TAS2R1: variants seen among roughly 807,000 people sequenced by gnomAD.
TAS2R1 encodes taste 2 receptor member 1, also known as taste receptor type 2 member 1.
For missense variants in TAS2R1, 370 were observed against 353.4 expected (o/e 1.05, Z -0.38); for synonymous variants, 141 against 134.2 (o/e 1.05, Z -0.35).
chr5:9,860,366 T>C, the TAS2R1 span, among the ~76,000 whole-genome samples: 1 of 152,122 alleles, frequency 6.6e-6, no homozygotes, highest in African/African-American at 2.4e-5. Flanking sequence ...CATTCTCCAT[T>C]TACCTTCCCT....
At chr5:9,879,166 C>T in the TAS2R1 span, among the ~76,000 whole-genome samples, 2 of 152,236 alleles carry the variant, frequency 1.3e-5, no homozygotes, top group Non-Finnish European at 2.9e-5. Flanking sequence ...ATGCAATGTT[C>T]TTTAAAAATC....
chr5:9,692,181 C>T (rs985718645), intron 1 of TAS2R1, among the ~76,000 whole-genome samples: 5 of 152,158 alleles, frequency 3.3e-5, no homozygotes, highest in African/African-American at 9.7e-5. Flanking sequence ...CTGCACTCTA[C>T]GTGCTTGTCA....
At position 9,704,644 on chromosome 5, in the gene TAS2R1, G is replaced by A. The variant is rs1402531894; in HGVS notation, c.-242+7528C>T. Among the ~76,000 whole-genome samples the A allele has an allele frequency of 2.0e-5, 3 of 152,166 alleles. No individual in the cohort carries two copies. The South Asian group carries it at 6.2e-4, about 32-fold the overall frequency. On this transcript the variant is annotated intron_variant, in intron 1 of 2. Coordinates refer to the TAS2R1 transcript ENST00000506620. ...AAAATTAGTTCACACACAAAAAAGT[G>A]GTAGACAAGTGGCCAACTAATATAC...
chr5:9,844,434 A>G, the TAS2R1 span, among the ~76,000 whole-genome samples: 3 of 152,130 alleles, frequency 2.0e-5, no homozygotes, highest in Non-Finnish European at 4.4e-5. Flanking sequence ...GGCCTTCTAC[A>G]TTAATTCTTA....
the TAS2R1 span, among the ~76,000 whole-genome samples, chr5:9,829,849 G>C: frequency 6.6e-6 from 1 of 152,006 alleles, no homozygotes; most frequent in Non-Finnish European, 1.5e-5. Flanking sequence ...GCGAAAAAAA[G>C]CTTCAGAAGA....
At chr5:9,850,806 C>A in the TAS2R1 span, among the ~76,000 whole-genome samples, 3 of 152,218 alleles carry the variant, frequency 2.0e-5, no homozygotes, top group Non-Finnish European at 4.4e-5. Flanking sequence ...ATGGTATCAA[C>A]CCCGTCCAAA....
At chr5:9,721,358 C>T in the TAS2R1 span, among the ~76,000 whole-genome samples, 5 of 152,170 alleles carry the variant, frequency 3.3e-5, no homozygotes, top group Non-Finnish European at 7.4e-5. Context: ...GGTGGGTGTT[C>T]CCCGGTGCTG....
the TAS2R1 span, among the ~76,000 whole-genome samples, chr5:9,840,852 TA>T: frequency 1.4e-4 from 2 of 14,228 alleles, no homozygotes; most frequent in African/African-American, 2.2e-4. Flanking sequence ...TTTATTTATT[TA>T]TTTATTTTTT....
At chr5:9,718,498 C>T in the TAS2R1 span, among the ~76,000 whole-genome samples, 1 of 151,892 alleles carries the variant, frequency 6.6e-6, no homozygotes, top group African/African-American at 2.4e-5. Flanking sequence ...AATAAAAGTG[C>T]ACCAAGAGGC....
At chr5:9,666,524 A>C (rs1298876236) in intron 1 of TAS2R1, among the ~76,000 whole-genome samples, 1 of 152,210 alleles carries the variant, frequency 6.6e-6, no homozygotes, top group African/African-American at 2.4e-5. Context: ...GAGAGGAATG[A>C]AAGCCTGATT....
At position 9,629,148 on chromosome 5, in the gene TAS2R1, A is replaced by T. The variant is rs772446000; in HGVS notation, c.885T>A (p.Ser295Arg). ...KQNAKKFLLHSKCCQ is the reference protein window; with the variant it reads ...KQNAKKFLLHRKCCQ ...AACTTCTCTCTCACTGACAGCACTTACTGTGGAGGAGGAACTTTTTTGCAT... is the reference window on the plus strand; with the variant it reads ...AACTTCTCTCTCACTGACAGCACTTTCTGTGGAGGAGGAACTTTTTTGCAT... Residue 295 changes from serine to arginine, a missense_variant, in exon 1 of 1, where the codon AGT becomes AGA. By Grantham distance (110) the Ser-to-Arg change is moderately radical. Transcript: ENST00000382492. 6.4e-7 allele frequency: 1 copy of T among 1,563,748 alleles called. No individual in the cohort carries two copies. The highest frequency in any genetic ancestry group is 1.9e-5 in the Admixed American group (1 of 51,532).
At chr5:9,787,146 A>G in the TAS2R1 span, among the ~76,000 whole-genome samples, 1,121 of 152,290 alleles carry the variant, frequency 7.4e-3, 15 homozygotes, top group South Asian at 0.038. Flanking sequence ...TGACTAGCAC[A>G]TCATAGACAG....
At chr5:9,776,047 C>T in the TAS2R1 span, among the ~76,000 whole-genome samples, 6 of 152,246 alleles carry the variant, frequency 3.9e-5, no homozygotes, top group Admixed American at 1.3e-4. Context: ...ACCCAGACTG[C>T]CTTTCAGGTT....
the TAS2R1 span, among the ~76,000 whole-genome samples, chr5:9,847,915 T>G: frequency 2.0e-5 from 3 of 152,164 alleles, no homozygotes; most frequent in Admixed American, 2.0e-4. Context: ...ACCAGTGAAG[T>G]AGCATCATCC....
At chr5:9,649,926 T>A (rs1410770927) in intron 2 of TAS2R1, among the ~76,000 whole-genome samples, 1 of 152,080 alleles carries the variant, frequency 6.6e-6, no homozygotes, top group East Asian at 1.9e-4. Context: ...CAAATGTGCC[T>A]GTCTATTTTA....
At chr5:9,744,566 T>C in the TAS2R1 span, among the ~76,000 whole-genome samples, 1 of 152,068 alleles carries the variant, frequency 6.6e-6, no homozygotes, top group African/African-American at 2.4e-5. Flanking sequence ...GACAAACTTG[T>C]ATATATAGTA....
chr5:9,810,481 T>G, the TAS2R1 span, among the ~76,000 whole-genome samples: 3 of 152,146 alleles, frequency 2.0e-5, no homozygotes, highest in African/African-American at 7.2e-5. Flanking sequence ...TCTTTGGTCT[T>G]CATGGAAAGG....
rs186377832 is a variant in TAS2R1, at chr5:9,650,563, G to A, written c.-81+8858C>T. On this transcript the variant is annotated intron_variant, in intron 2 of 2. Coordinates refer to the TAS2R1 transcript ENST00000506620. ...ACACCAAGGCCAGGGTGGACCTGGT[G>A]GTGTGCACATATGCTGTCCGTGAAG... is the stretch of plus-strand genomic sequence containing the variant. Among the ~76,000 whole-genome samples the A allele has an allele frequency of 1.1e-3, 166 of 152,218 alleles. 1 individual carries two copies. Among genetic ancestry groups the A allele is most frequent in the African/African-American group, 3.9e-3 (162 of 41,538 alleles).
chr5:9,847,709 G>A, the TAS2R1 span, among the ~76,000 whole-genome samples: 3,883 of 152,264 alleles, frequency 0.026, 54 homozygotes, highest in Non-Finnish European at 0.04. Context: ...TTTGACGGTC[G>A]GTATGCCTGA....
Sources: gnomAD v4.1 joint callset for allele counts (sites outside exome capture counted in the v4.1 genomes callset) on GRCh38, gnomAD v4.1.1 for gene constraint, MANE v1.5 for transcripts, NCBI Gene and HGNC (gene_info 2026-07-23, HGNC 2026-07-21) for gene names.